The following HELQ variants were observed in gnomAD, a reference collection of about 807,000 sequenced individuals.
HELQ encodes helicase POLQ-like.
HELQ carries 77 observed loss-of-function variants against 111.6 expected under a neutral mutation model. That is an observed-to-expected ratio of 0.69 (90% CI 0.57 to 0.83). The LOEUF (loss-of-function observed/expected upper bound fraction) is 0.83. Among genes scored for constraint, HELQ ranks in the 40% least tolerant of loss-of-function variants. The probability of loss-of-function intolerance (pLI) is 0.00; values close to 1 mark genes in which losing one functional copy is unlikely to be tolerated. For synonymous variants in HELQ, 438 were observed against 454.7 expected (o/e 0.96, Z 0.47); for missense variants, 1,200 against 1,288.5 (o/e 0.93, Z 1.05).
At chr4:83,419,161 A>ATTTT (rs34131623) in intron 15 of HELQ, among the ~76,000 whole-genome samples, 1 of 135,806 alleles carries the variant, frequency 7.4e-6, no homozygotes, top group African/African-American at 2.7e-5. Flanking sequence ...ACACCATGAG[A>ATTTT]TTTTTTTTTT....
chr4:83,427,211 A>G (rs1025717626), intron 13 of HELQ, among the ~76,000 whole-genome samples: 1 of 152,180 alleles, frequency 6.6e-6, no homozygotes, highest in African/African-American at 2.4e-5. Context: ...TCAATAACAA[A>G]TATGTTTATA....
chr4:83,432,299 G>A, intron 9 of HELQ, 32 bp from the exon 10 acceptor site: 4 of 1,480,414 alleles, frequency 2.7e-6, no homozygotes, highest in Admixed American at 2.3e-5. Flanking sequence ...ATACTCTACA[G>A]CAAACAGCAC....
At chr4:83,418,626 G>A (rs889215676) in intron 15 of HELQ, among the ~76,000 whole-genome samples, 1 of 152,126 alleles carries the variant, frequency 6.6e-6, no homozygotes, top group African/African-American at 2.4e-5. Flanking sequence ...AATACTGGAA[G>A]CCATGAGTCA....
Position 83,439,629 on chromosome 4 carries a change from G to T in HELQ, c.1808+234C>A, listed in dbSNP as rs1720665109. On this transcript the variant is annotated intron_variant, in intron 8 of 17. Transcript: ENST00000295488. ...ACCCACCTCGGCCTCCCAAAGTGCT[G>T]GGATTACAGGCATGAGCCATGGTGC... 2.0e-5 allele frequency among the ~76,000 whole-genome samples: 3 copies of T among 152,306 alleles called. No homozygotes were observed. The South Asian group carries it at 6.2e-4, about 32-fold the overall frequency.
intron 11 of HELQ, among the ~76,000 whole-genome samples, chr4:83,431,453 T>C (rs1720146017): frequency 6.6e-6 from 1 of 151,938 alleles, no homozygotes; most frequent in South Asian, 2.1e-4. Context: ...CTACTGCACC[T>C]AACCATTCCA....
intron 9 of HELQ, among the ~76,000 whole-genome samples, chr4:83,436,196 A>T (rs1457549929): frequency 6.6e-6 from 1 of 152,178 alleles, no homozygotes; most frequent in Non-Finnish European, 1.5e-5. Flanking sequence ...ACTTCTCTGA[A>T]ATTGATAGAC....
chr4:83,437,000 T>G lies in HELQ; in HGVS notation c.1906A>C (p.Ile636Leu). The change falls in exon 9 of 18, where the codon ATC (isoleucine) becomes CTC (leucine). Residue 636 changes from isoleucine to leucine, a missense_variant. By Grantham distance (5) the Ile-to-Leu change is conservative. Coordinates refer to ENST00000295488, the MANE Select transcript of HELQ (RefSeq NM_133636.5). ...GNLCPVLKRT[I>L]PFGVAYHHSG... ...TGGTGATAGGCAACTCCAAATGGGA[T>G]AGTGCGCTTTAAAACAGGACACAGG... 1 of 1,614,182 alleles carries G rather than the reference T, an allele frequency of 6.2e-7. No homozygotes were observed. The highest frequency in any genetic ancestry group is 2.2e-5 in the East Asian group (1 of 44,884).
intron 8 of HELQ, among the ~76,000 whole-genome samples, chr4:83,437,421 T>G (rs940107383): frequency 1.3e-5 from 2 of 151,928 alleles, no homozygotes; most frequent in African/African-American, 2.4e-5. Flanking sequence ...AAGATCAGCT[T>G]GGGCAGTGAA....
chr4:83,426,094 T>C lies in HELQ; in HGVS notation c.2677-2A>G. 1.3e-6 allele frequency: 2 copies of C among 1,549,338 alleles called. No homozygotes were observed. Among genetic ancestry groups the C allele is most frequent in the Non-Finnish European group, 1.8e-6 (2 of 1,127,604 alleles). On this transcript the variant is annotated splice_acceptor_variant, in intron 13 of 17. Transcript: ENST00000295488. LOFTEE classifies it high-confidence loss of function. ...TTCTGCTGGACTGAGTTGGCTAAAC[T>C]ACATGGAAAAAGAGCAAATAGATGG... is the stretch of plus-strand genomic sequence containing the variant.
chr4:83,445,374 A>G lies in HELQ; in HGVS notation c.1465+640T>C, dbSNP rs10516686. Among the ~76,000 whole-genome samples, 250 of 152,322 alleles carry G rather than the reference A, an allele frequency of 1.6e-3. 2 individuals carry two copies. Among genetic ancestry groups the G allele is most frequent in the African/African-American group, 5.8e-3 (243 of 41,564 alleles). On this transcript the variant is annotated intron_variant, in intron 5 of 17. Coordinates refer to ENST00000295488, the MANE Select transcript of HELQ (RefSeq NM_133636.5). ...TTATAAAATGCTATAACCTGCTTAA[A>G]TATTATTGCTGTTGAAATTTTTTAA... is the stretch of plus-strand genomic sequence containing the variant.
intron 17 of HELQ, among the ~76,000 whole-genome samples, chr4:83,412,865 C>T (rs952517482): frequency 2.6e-5 from 4 of 152,122 alleles, no homozygotes; most frequent in Non-Finnish European, 5.9e-5. Flanking sequence ...GTGTCCTGCC[C>T]CATACTCTGA....
chr4:83,445,761 G>T (rs779510020), intron 5 of HELQ, among the ~76,000 whole-genome samples: 75 of 152,176 alleles, frequency 4.9e-4, no homozygotes, highest in Admixed American at 1.3e-4. Context: ...TTGTTTTACA[G>T]ATAAAGAAAC....
At chr4:83,445,955 T>C (rs948559539) in intron 5 of HELQ, 59 bp downstream of exon 5, 2 of 1,078,356 alleles carry the variant, frequency 1.9e-6, no homozygotes, top group African/African-American at 3.1e-5. Flanking sequence ...TAGAATTAAG[T>C]ATTTTATAAG....
At position 83,432,142 on chromosome 4, in the gene HELQ, T is replaced by C; in HGVS notation, c.2174A>G (p.Glu725Gly). ...GAGTATTACCTGTTGTTTGTCTTTT[T>C]CTTGCAATATGAGGATACTCTCCCC... ...TIGESILILQ[E>G]KDKQQVLELI... The change falls in exon 10 of 18, where the codon GAA becomes GGA. Residue 725 changes from glutamate (E) to glycine (G), a missense_variant. Coordinates refer to ENST00000295488, the MANE Select transcript of HELQ (RefSeq NM_133636.5). 6.3e-7 allele frequency: 1 copy of C among 1,579,840 alleles called. No homozygotes were observed. Among genetic ancestry groups the C allele is most frequent in the Non-Finnish European group, 8.6e-7 (1 of 1,165,794 alleles).
Position 83,420,075 on chromosome 4 carries a change from A to G in HELQ, c.2949+1488T>C, listed in dbSNP as rs116794849. Among the ~76,000 whole-genome samples the G allele has an allele frequency of 9.5e-3, 1,452 of 152,338 alleles. 19 individuals are homozygous for G. Among genetic ancestry groups the G allele is most frequent in the African/African-American group, 0.033 (1,384 of 41,576 alleles). Reference sequence around the variant, plus strand: ...ATGGAAAGGATTATTATGCCACCCAATAAGAAGAAATCTAAATGCAGCAAA... The same window carrying G: ...ATGGAAAGGATTATTATGCCACCCAGTAAGAAGAAATCTAAATGCAGCAAA... On this transcript the variant is annotated intron_variant, in intron 15 of 17. Coordinates refer to ENST00000295488, the MANE Select transcript of HELQ (RefSeq NM_133636.5).
At chr4:83,453,059 AGGTT>A in intron 2 of HELQ, 168 bp downstream of exon 2, 5 of 543,096 alleles carry the variant, frequency 9.2e-6, no homozygotes, top group Non-Finnish European at 1.6e-5. Context: ...GGAAGGAAAG[AGGTT>A]CAGTGGTAGC....
At position 83,441,409 on chromosome 4, in the gene HELQ, A is replaced by G; in HGVS notation, c.1564-6T>C. 2.3e-6 allele frequency: 3 copies of G among 1,319,026 alleles called. No individual in the cohort carries two copies. The highest frequency in any genetic ancestry group is 3.3e-6 in the Non-Finnish European group (3 of 922,710). The allele number at this position is 1,319,026 out of a possible 1,614,324, so 81.7% of individuals were successfully genotyped here. ...AGATATTCTTTTAACTCAACCTTGA[A>G]TTAAAAGGACATTTGCAATTAATAC... On this transcript the variant is annotated splice_region_variant and splice_polypyrimidine_tract_variant and intron_variant, in intron 6 of 17. Coordinates refer to ENST00000295488, the MANE Select transcript of HELQ (RefSeq NM_133636.5).
At chr4:83,424,361 G>A (rs1297742717) in intron 14 of HELQ, among the ~76,000 whole-genome samples, 2 of 152,140 alleles carry the variant, frequency 1.3e-5, no homozygotes, top group African/African-American at 4.8e-5. Context: ...AAACAGCATA[G>A]CCATTTCCAA....
intron 2 of HELQ, among the ~76,000 whole-genome samples, chr4:83,449,532 T>C (rs1193777110): frequency 6.6e-6 from 1 of 152,216 alleles, no homozygotes; most frequent in Non-Finnish European, 1.5e-5. Context: ...ACTAGGATTA[T>C]TAACTGACAC....
Sources: allele counts gnomAD v4.1 joint callset (sites outside exome capture counted in the v4.1 genomes callset), GRCh38; gene constraint gnomAD v4.1.1; transcripts MANE v1.5; gene names NCBI Gene and HGNC (gene_info 2026-07-23, HGNC 2026-07-21).